IMPG2: variants seen among roughly 807,000 people sequenced by gnomAD.
IMPG2 encodes IPM 200.
IMPG2 carries 91 observed loss-of-function variants against 129.2 expected under a neutral mutation model. The observed-to-expected ratio is 0.70, with a 90% CI of 0.59 to 0.84. IMPG2 has a LOEUF of 0.84. Ranked by LOEUF, IMPG2 falls within the 40% of genes least tolerant of loss-of-function variation. The pLI is 0.00. For missense variants in IMPG2, 1,430 were observed against 1,461.7 expected (o/e 0.98, Z 0.35); for synonymous variants, 510 against 517.7 (o/e 0.99, Z 0.20).
chr3:101,267,899 T>C (rs987030299), intron 8 of IMPG2, among the ~76,000 whole-genome samples: 6 of 152,276 alleles, frequency 3.9e-5, no homozygotes, highest in East Asian at 1.9e-4. Flanking sequence ...TAAAATCAGA[T>C]GGTACACTGT....
intron 3 of IMPG2, among the ~76,000 whole-genome samples, chr3:101,293,537 C>A (rs1447374141): frequency 6.6e-6 from 1 of 152,106 alleles, no homozygotes; most frequent in African/African-American, 2.4e-5. Flanking sequence ...CTTAAGGGCC[C>A]TAGGATTTTT....
At chr3:101,241,742 C>T (rs1052111006) in intron 14 of IMPG2, among the ~76,000 whole-genome samples, 3 of 151,922 alleles carry the variant, frequency 2.0e-5, no homozygotes, top group African/African-American at 7.2e-5. Context: ...AGGATGACTT[C>T]TCTGGCCAGG....
At chr3:101,265,974 G>T (rs1706717277) in intron 9 of IMPG2, among the ~76,000 whole-genome samples, 1 of 152,058 alleles carries the variant, frequency 6.6e-6, no homozygotes, top group African/African-American at 2.4e-5. Context: ...CATCAACAGG[G>T]ATATGCAAAT....
At chr3:101,272,103 A>G (rs912557882) in intron 7 of IMPG2, among the ~76,000 whole-genome samples, 79 of 144,660 alleles carry the variant, frequency 5.5e-4, no homozygotes, top group African/African-American at 2.0e-3. Context: ...ACACACGCAC[A>G]CACACACACA....
At position 101,229,480 on chromosome 3, in the gene IMPG2, G is replaced by A. The variant is rs756405891; in HGVS notation, c.3533C>T (p.Pro1178Leu). 9 of 1,613,476 alleles carry A rather than the reference G, an allele frequency of 5.6e-6. No homozygotes were observed. Among genetic ancestry groups the A allele is most frequent in the Non-Finnish European group, 5.9e-6 (7 of 1,179,996 alleles). ...AGCEKYEGPY[P>L]QHPFYSSASG... ...AGCAGAGCTGTAGAAGGGATGCTGA[G>A]GATAGGGTCCCTCATACTTCTCACA... The change falls in exon 17 of 19, where the codon CCT becomes CTT. Residue 1178 changes from proline to leucine, a missense_variant. Transcript: ENST00000193391.
chr3:101,276,381 G>C (rs1227867780), intron 5 of IMPG2, among the ~76,000 whole-genome samples: 1 of 152,162 alleles, frequency 6.6e-6, no homozygotes, highest in Non-Finnish European at 1.5e-5. Context: ...GGTGGCTACA[G>C]AGTGTTTGCC....
chr3:101,277,427 A>G (rs1706850105), intron 4 of IMPG2, among the ~76,000 whole-genome samples: 1 of 152,208 alleles, frequency 6.6e-6, no homozygotes, highest in Non-Finnish European at 1.5e-5. Context: ...CAAAACACCC[A>G]TTGTATATGA....
rs372898053 is a variant in IMPG2, at chr3:101,273,857, CTTA to C, written c.667-118_667-116del. 60 of 1,026,726 alleles carry C rather than the reference CTTA, an allele frequency of 5.8e-5. No homozygotes were observed. The African/African-American group carries it at 8.9e-4, about 15-fold the overall frequency. The allele number at this position is 1,026,726 out of a possible 1,614,324, so 63.6% of individuals were successfully genotyped here. A position where few individuals can be genotyped will look rare whatever the true frequency, so the allele number is the denominator to read the frequency against. On this transcript the variant is annotated intron_variant, in intron 6 of 18. Coordinates refer to ENST00000193391, the MANE Select transcript of IMPG2 (RefSeq NM_016247.4). ...GCTAAAGGCAGCTTCTGAAGATAAT[CTTA>C]TTATTTCGTATTTGACTTTGGAACA...
chr3:101,236,695 C>T (rs1164425709), intron 14 of IMPG2, among the ~76,000 whole-genome samples: 5 of 152,204 alleles, frequency 3.3e-5, no homozygotes, highest in Admixed American at 1.3e-4. Context: ...CCACTGTCTT[C>T]GTAACCTGCA....
At chr3:101,258,142 A>G (rs1464150229) in intron 9 of IMPG2, among the ~76,000 whole-genome samples, 1 of 152,060 alleles carries the variant, frequency 6.6e-6, no homozygotes, top group African/African-American at 2.4e-5. Flanking sequence ...CCTAATTTTT[A>G]AAAACAGTCT....
At chr3:101,312,692 G>C (rs779397465) in intron 2 of IMPG2, among the ~76,000 whole-genome samples, 2 of 151,874 alleles carry the variant, frequency 1.3e-5, no homozygotes, top group South Asian at 4.2e-4. Flanking sequence ...TGCAAACAAT[G>C]TAAATGCCCA....
chr3:101,265,228 G>A (rs899841607), intron 9 of IMPG2, among the ~76,000 whole-genome samples: 4 of 152,020 alleles, frequency 2.6e-5, no homozygotes, highest in Admixed American at 2.0e-4. Flanking sequence ...AAAGACCCCA[G>A]ATAGCCAAAG....
intron 12 of IMPG2, among the ~76,000 whole-genome samples, chr3:101,245,585 C>T (rs1294568936): frequency 1.3e-5 from 2 of 152,150 alleles, no homozygotes; most frequent in East Asian, 3.9e-4. Context: ...TGATCCCCAC[C>T]CCAGCTCCCC....
At chr3:101,300,167 A>G (rs1707124646) in intron 3 of IMPG2, among the ~76,000 whole-genome samples, 2 of 151,906 alleles carry the variant, frequency 1.3e-5, no homozygotes, top group African/African-American at 4.9e-5. Context: ...CGGCCTGAAG[A>G]GGCGCTCTGT....
intron 9 of IMPG2, among the ~76,000 whole-genome samples, chr3:101,265,271 A>G (rs1474977758): frequency 1.3e-5 from 2 of 152,150 alleles, no homozygotes; most frequent in Non-Finnish European, 2.9e-5. Context: ...AGCTGATGAT[A>G]TATATCATAC....
chr3:101,244,207 T>G lies in IMPG2; in HGVS notation c.2124A>C (p.Glu708Asp). Residue 708 changes from glutamate (E) to aspartate (D), a missense_variant, in exon 13 of 19, where the codon GAA (glutamate) becomes GAC (aspartate). Transcript: ENST00000193391. The part of the protein sequence containing the change: ...ASLTLPKHIS[E>D]VPGVDDYSVT... ...CTGAGTAATCATCAACACCAGGTAC[T>G]TCTGATATGTGCTTGGGGAGGGTTA... 1 of 1,614,050 alleles carries G rather than the reference T, an allele frequency of 6.2e-7. No homozygotes were observed. The highest frequency in any genetic ancestry group is 1.1e-5 in the South Asian group (1 of 91,080).
chr3:101,233,164 T>C (rs1477039135), intron 14 of IMPG2, among the ~76,000 whole-genome samples, 173 bp from the exon 15 acceptor site: 2 of 152,134 alleles, frequency 1.3e-5, no homozygotes, highest in African/African-American at 4.8e-5. Flanking sequence ...TCATCATAGA[T>C]CAATAAGCTT....
intron 4 of IMPG2, among the ~76,000 whole-genome samples, chr3:101,277,500 C>T (rs1706850844): frequency 6.6e-6 from 1 of 152,158 alleles, no homozygotes; most frequent in African/African-American, 2.4e-5. Context: ...ACAAGTAGTA[C>T]AGACAAGAAA....
intron 5 of IMPG2, among the ~76,000 whole-genome samples, chr3:101,275,957 G>A (rs564840857): frequency 1.3e-5 from 2 of 152,180 alleles, no homozygotes; most frequent in East Asian, 3.9e-4. Context: ...AGCATATATT[G>A]AGCACCTACT....
Sources: allele counts gnomAD v4.1 joint callset (sites outside exome capture counted in the v4.1 genomes callset), GRCh38; gene constraint gnomAD v4.1.1; transcripts MANE v1.5; gene names NCBI Gene and HGNC (gene_info 2026-07-23, HGNC 2026-07-21).